The following CIT variants were observed in gnomAD, a reference collection of about 807,000 sequenced individuals.
The protein encoded by CIT is citron Rho-interacting kinase.
Under a neutral mutation model 272.7 loss-of-function variants are expected in CIT, and 79 were observed. The ratio of observed to expected loss-of-function variants is 0.29; its 90% CI spans 0.24 to 0.35. The LOEUF is 0.35. CIT is among the 10% of genes least tolerant of loss of function. The pLI is 1.00. For synonymous variants in CIT, 948 were observed against 995.6 expected (o/e 0.95, Z 0.90); for missense variants, 1,909 against 2,618.3 (o/e 0.73, Z 5.91).
rs1963040983 is a variant in CIT at position 119,770,752 on chromosome 12, T to C, written c.2208+33A>G. ...TCCCTTTGCAAACTCTAACCTGTTA[T>C]CTTTTAACTTTGCGACTTTCATTCC... On this transcript the variant is annotated intron_variant, in intron 18 of 47. Transcript: ENST00000392521. This position sits in a 1 kb window ranked among gnomAD's most constrained non-coding sequence, Gnocchi z 4.4. 6.2e-7 allele frequency: 1 copy of C among 1,612,532 alleles called. No individual in the cohort carries two copies. The highest frequency in any genetic ancestry group is 8.5e-7 in the Non-Finnish European group (1 of 1,179,656).
intron 23 of CIT, among the ~76,000 whole-genome samples, chr12:119,748,088 C>T (rs886806350): frequency 1.4e-4 from 21 of 152,108 alleles, no homozygotes; most frequent in Non-Finnish European, 1.9e-4. Context: ...CACTCTTGAG[C>T]CTGGGAGTCA....
rs1160979421 is a variant in CIT at position 119,713,169 on chromosome 12, G to A, written c.4579+34C>T. 1.9e-6 allele frequency: 3 copies of A among 1,556,072 alleles called. No individual in the cohort carries two copies. Among genetic ancestry groups the A allele is most frequent in the Non-Finnish European group, 2.7e-6 (3 of 1,130,132 alleles). On this transcript the variant is annotated intron_variant, in intron 35 of 47. Coordinates refer to ENST00000392521, the MANE Select transcript of CIT (RefSeq NM_001206999.2). This position sits in a 1 kb window ranked among gnomAD's most constrained non-coding sequence, Gnocchi z 5.2. Reference sequence around the variant, plus strand: ...CACTGGGGAGACCTGGGTTAGCCACGTGCAATGACCTTCCCCCTGAATTAT... The same window carrying A: ...CACTGGGGAGACCTGGGTTAGCCACATGCAATGACCTTCCCCCTGAATTAT...
chr12:119,774,496 A>G (rs186329230), intron 16 of CIT, among the ~76,000 whole-genome samples: 13 of 152,338 alleles, frequency 8.5e-5, no homozygotes, highest in Admixed American at 7.8e-4. Context: ...CACAAAAAAT[A>G]TAAGAAGAAT....
intron 18 of CIT, among the ~76,000 whole-genome samples, chr12:119,767,976 A>C (rs1019229689): frequency 2.0e-5 from 3 of 148,598 alleles, no homozygotes; most frequent in Non-Finnish European, 4.4e-5. Context: ...CACTGGCGCG[A>C]TCTTGGCTCA....
chr12:119,690,427 C>T lies in CIT; in HGVS notation c.5910G>A (p.Thr1970=), dbSNP rs1336915137. The change falls in exon 47 of 48, where the codon ACG becomes ACA. Residue 1970 remains threonine (T), a synonymous_variant. Transcript: ENST00000392521. The surrounding 1 kb of genome is among the most constrained non-coding windows in gnomAD (Gnocchi z 6.0). ...RSSPNKRGPP[T]YNEHITKRVA... is the part of the protein sequence containing the mutation. Reference sequence around the variant, plus strand: ...CGCGCTTGGTGATGTGCTCGTTGTACGTGGGTGGGCCTCGCTTGTTGGGGC... The same window carrying T: ...CGCGCTTGGTGATGTGCTCGTTGTATGTGGGTGGGCCTCGCTTGTTGGGGC... The T allele has an allele frequency of 3.8e-6, 6 of 1,593,968 alleles. No individual in the cohort carries two copies. The highest frequency in any genetic ancestry group is 1.3e-5 in the African/African-American group (1 of 74,644).
rs773183032 is a variant in CIT at position 119,698,190 on chromosome 12, G to A, written c.5624-136C>T. The A allele has an allele frequency of 9.4e-4, 703 of 747,522 alleles. 2 individuals carry two copies. Among genetic ancestry groups the A allele is most frequent in the Non-Finnish European group, 1.2e-3 (533 of 427,846 alleles). The allele number at this position is 747,522 out of a possible 1,614,324, so 46.3% of individuals were successfully genotyped here. A position where few individuals can be genotyped will look rare whatever the true frequency, so the allele number is the denominator to read the frequency against. ...TCACCCAACAAATACATATCTATGC[G>A]CCAGAACAGTCATGCATGTTCGAGG... On this transcript the variant is annotated intron_variant, in intron 44 of 47. Coordinates refer to ENST00000392521, the MANE Select transcript of CIT (RefSeq NM_001206999.2).
At chr12:119,805,839 AG>A (rs1441445289) in intron 9 of CIT, among the ~76,000 whole-genome samples, 1 of 152,216 alleles carries the variant, frequency 6.6e-6, no homozygotes, top group Non-Finnish European at 1.5e-5. Flanking sequence ...TCAAGTTAAA[AG>A]GAAGAAGAAG....
At position 119,759,800 on chromosome 12, in the gene CIT, C is replaced by T. The variant is rs555781430; in HGVS notation, c.2422-1100G>A. Among the ~76,000 whole-genome samples the T allele has an allele frequency of 8.5e-5, 13 of 152,282 alleles. No homozygotes were observed. The East Asian group carries it at 1.4e-3, about 16-fold the overall frequency. On this transcript the variant is annotated intron_variant, in intron 20 of 47. Coordinates refer to ENST00000392521, the MANE Select transcript of CIT (RefSeq NM_001206999.2). ...GCTAAAAAGGTTGGGGACAGCTTCTCTACAGCAAAGTTTCCCCAACTTAAA... is the reference window on the plus strand; with the variant it reads ...GCTAAAAAGGTTGGGGACAGCTTCTTTACAGCAAAGTTTCCCCAACTTAAA...
chr12:119,798,672 C>T (rs183660426), intron 10 of CIT, among the ~76,000 whole-genome samples: 2 of 152,278 alleles, frequency 1.3e-5, no homozygotes, highest in East Asian at 3.9e-4. Flanking sequence ...TGCTTATAAG[C>T]CCAGTTCCAG....
At chr12:119,806,303 G>T (rs112066620) in intron 9 of CIT, among the ~76,000 whole-genome samples, 3,074 of 152,220 alleles carry the variant, frequency 0.02, 50 homozygotes, top group Non-Finnish European at 0.03. Context: ...GCTTCTTAGG[G>T]CCACATTCAG....
At chr12:119,815,105 A>AACACAC (rs3858712) in intron 9 of CIT, among the ~76,000 whole-genome samples, 4 of 143,102 alleles carry the variant, frequency 2.8e-5, no homozygotes, top group Admixed American at 7.0e-5. Flanking sequence ...ACACACACAC[A>AACACAC]ACACACACAC....
chr12:119,706,263 C>T (rs553959984), intron 40 of CIT, among the ~76,000 whole-genome samples: 1 of 152,030 alleles, frequency 6.6e-6, no homozygotes, highest in African/African-American at 2.4e-5. Flanking sequence ...TGTATATATA[C>T]CCGCAAACAC....
At chr12:119,862,862 G>GAAAAAAAAAA (rs1555267283) in intron 3 of CIT, among the ~76,000 whole-genome samples, 1 of 77,862 alleles carries the variant, frequency 1.3e-5, no homozygotes, top group East Asian at 4.9e-4. Flanking sequence ...AAAAAAAAAC[G>GAAAAAAAAAA]AGGTAGGACT....
rs59234933 is a variant in CIT at position 119,824,108 on chromosome 12, G to GTATA, written c.957+1053_957+1056dup. ...ACAGTTATTAGAAAATAGTTTTACT[G>GTATA]TATATATATATATATATATATATAT... On this transcript the variant is annotated intron_variant, in intron 8 of 47. Coordinates refer to ENST00000392521, the MANE Select transcript of CIT (RefSeq NM_001206999.2). Among the ~76,000 whole-genome samples, 899 of 125,430 alleles carry GTATA rather than the reference G, an allele frequency of 7.2e-3. 5 individuals carry two copies. Among genetic ancestry groups the GTATA allele is most frequent in the Non-Finnish European group, 0.01 (622 of 61,778 alleles). The allele number at this position is 125,430 out of a possible 152,430, so 82.3% of individuals were successfully genotyped here. A position where few individuals can be genotyped will look rare whatever the true frequency, so the allele number is the denominator to read the frequency against.
At chr12:119,811,446 G>A (rs1355882036) in intron 9 of CIT, among the ~76,000 whole-genome samples, 1 of 152,212 alleles carries the variant, frequency 6.6e-6, no homozygotes, top group Non-Finnish European at 1.5e-5. Context: ...TTGGGCTGGT[G>A]ATCAATTTTT....
intron 10 of CIT, among the ~76,000 whole-genome samples, chr12:119,798,989 G>A (rs1965970171): frequency 6.6e-6 from 1 of 152,072 alleles, no homozygotes; most frequent in Admixed American, 6.6e-5. Context: ...ACCCATTCTG[G>A]GACTGGACCT....
intron 3 of CIT, among the ~76,000 whole-genome samples, chr12:119,863,099 G>A (rs753043268): frequency 6.7e-6 from 1 of 149,190 alleles, no homozygotes; most frequent in Non-Finnish European, 1.5e-5. Context: ...CTACTCAGGA[G>A]GCTAAGGCAA....
intron 16 of CIT, among the ~76,000 whole-genome samples, chr12:119,773,878 G>C (rs1963464633): frequency 6.6e-6 from 1 of 152,194 alleles, no homozygotes; most frequent in South Asian, 2.1e-4. Flanking sequence ...AGGGCCATGA[G>C]AGCTTTCATT....
chr12:119,832,664 G>A, intron 7 of CIT, 107 bp downstream of exon 7: 2 of 888,944 alleles, frequency 2.2e-6, no homozygotes, highest in Non-Finnish European at 1.8e-6. Flanking sequence ...ACTGCCAAAG[G>A]CTCCAAAACA....
Sources: allele counts gnomAD v4.1 joint callset (sites outside exome capture counted in the v4.1 genomes callset), GRCh38; gene constraint gnomAD v4.1.1; non-coding constraint Gnocchi (gnomAD v3.1); transcripts MANE v1.5; gene names NCBI Gene and HGNC (gene_info 2026-07-23, HGNC 2026-07-21).